TFDP2: variants seen among roughly 807,000 people sequenced by gnomAD.
The protein encoded by TFDP2 is transcription factor Dp-2 (E2F dimerization partner 2).
In TFDP2, 17 loss-of-function variants were observed where a neutral mutation model predicts 59.3. That is an observed-to-expected ratio of 0.29 (90% CI 0.20 to 0.43). The LOEUF is 0.43. Among genes scored for constraint, TFDP2 ranks in the 20% least tolerant of loss-of-function variants. TFDP2 has a pLI of 1.00. For synonymous variants in TFDP2, 180 were observed against 194.7 expected, an observed-to-expected ratio of 0.92 and a Z score of 0.63; for missense variants, 391 against 528.8, an observed-to-expected ratio of 0.74 and a Z score of 2.56.
chr3:142,130,823 G>T (rs1448668738), intron 1 of TFDP2, among the ~76,000 whole-genome samples: 1 of 151,882 alleles, frequency 6.6e-6, no homozygotes, highest in African/African-American at 2.4e-5. Flanking sequence ...AGGCCGAAGG[G>T]GATGGCTCAC....
At chr3:142,149,084 G>T (rs1004616726) in intron 1 of TFDP2, 99 bp downstream of exon 1, 13 of 395,732 alleles carry the variant, frequency 3.3e-5, no homozygotes, top group African/African-American at 8.3e-5. Context: ...GGGAACAAGG[G>T]GGCCCCTGTG....
intron 9 of TFDP2, among the ~76,000 whole-genome samples, 192 bp from the exon 10 acceptor site, chr3:141,964,155 T>A (rs1937609265): frequency 6.6e-6 from 1 of 152,048 alleles, no homozygotes; most frequent in South Asian, 2.1e-4. Flanking sequence ...CATTTTTCCA[T>A]CATCCATAGA....
chr3:142,135,123 C>G (rs995621969), intron 1 of TFDP2, among the ~76,000 whole-genome samples: 2 of 152,038 alleles, frequency 1.3e-5, no homozygotes, highest in Non-Finnish European at 2.9e-5. Flanking sequence ...GATATGGGGT[C>G]TTACTACATC....
chr3:142,147,947 G>C (rs2063230485), intron 1 of TFDP2, among the ~76,000 whole-genome samples: 1 of 152,052 alleles, frequency 6.6e-6, no homozygotes, highest in African/African-American at 2.4e-5. Flanking sequence ...AAAGGAAGCT[G>C]CAATATAGAT....
At chr3:141,959,480 G>T (rs1010874086) in intron 11 of TFDP2, among the ~76,000 whole-genome samples, 194 bp downstream of exon 11, 2 of 152,160 alleles carry the variant, frequency 1.3e-5, no homozygotes, top group Non-Finnish European at 2.9e-5. Flanking sequence ...GTGTATAGAT[G>T]TAAGTTCATA....
At chr3:142,126,945 C>CA (rs780512383) in intron 1 of TFDP2, among the ~76,000 whole-genome samples, 1,970 of 54,924 alleles carry the variant, frequency 0.036, 53 homozygotes, top group African/African-American at 0.11. Flanking sequence ...GACCTTGTCT[C>CA]AAAAAAAAAA....
chr3:142,094,203 T>C (rs1161411818), intron 2 of TFDP2, among the ~76,000 whole-genome samples: 1 of 152,188 alleles, frequency 6.6e-6, no homozygotes, highest in Non-Finnish European at 1.5e-5. Flanking sequence ...ATCAAATACT[T>C]TTTGTAAGCA....
intron 2 of TFDP2, 131 bp downstream of exon 2, chr3:142,101,604 C>T (rs1014179933): frequency 1.1e-5 from 6 of 568,298 alleles, no homozygotes; most frequent in Non-Finnish European, 1.7e-5. Context: ...TCTGCATAAA[C>T]ATAAACAAAT....
chr3:142,025,736 T>C (rs1030780509), intron 3 of TFDP2, among the ~76,000 whole-genome samples: 3 of 152,254 alleles, frequency 2.0e-5, no homozygotes, highest in Non-Finnish European at 2.9e-5. Flanking sequence ...CATGTTGCTA[T>C]TCCTTAAGAT....
At chr3:142,084,467 A>G (rs1445790634) in intron 3 of TFDP2, among the ~76,000 whole-genome samples, 1 of 152,194 alleles carries the variant, frequency 6.6e-6, no homozygotes, top group Non-Finnish European at 1.5e-5. Flanking sequence ...CAATCCCACT[A>G]CTAGGTATAC....
chr3:142,021,950 T>C (rs190317429), intron 3 of TFDP2, among the ~76,000 whole-genome samples: 7 of 152,376 alleles, frequency 4.6e-5, no homozygotes, highest in Admixed American at 3.9e-4. Context: ...TCTTTATCTT[T>C]AGTTAAAATA....
chr3:141,986,649 T>C (rs1367259403), intron 6 of TFDP2, among the ~76,000 whole-genome samples: 1 of 152,212 alleles, frequency 6.6e-6, no homozygotes, highest in African/African-American at 2.4e-5. Context: ...TGTGCACAAA[T>C]TTCTGTTGAG....
chr3:141,995,281 T>A, intron 4 of TFDP2, 140 bp from the exon 5 acceptor site: 1 of 552,150 alleles, frequency 1.8e-6, no homozygotes, highest in Non-Finnish European at 2.9e-6. Flanking sequence ...TCTAAAAATA[T>A]AAGCAATGCC....
intron 1 of TFDP2, among the ~76,000 whole-genome samples, chr3:142,118,194 T>C (rs2061909867): frequency 6.6e-6 from 1 of 152,156 alleles, no homozygotes; most frequent in South Asian, 2.1e-4. Context: ...CTCCCCCTTT[T>C]CTTACCATCA....
intron 9 of TFDP2, among the ~76,000 whole-genome samples, chr3:141,965,112 G>C (rs1438260982): frequency 6.6e-6 from 1 of 151,972 alleles, no homozygotes; most frequent in African/African-American, 2.4e-5. Context: ...GTAAATGTAC[G>C]ATAGAATTTC....
intron 3 of TFDP2, among the ~76,000 whole-genome samples, chr3:142,044,698 A>G (rs9289641): frequency 0.86 from 131,217 of 152,150 alleles, 56,944 homozygotes; most frequent in African/African-American, 0.97. Context: ...AAATTCCAAC[A>G]CAGAAGAGTA....
At position 142,068,251 on chromosome 3, in the gene TFDP2, AT is replaced by A. The variant is rs376063616; in HGVS notation, c.82+24809del. Among the ~76,000 whole-genome samples the A allele has an allele frequency of 9.1e-4, 138 of 152,276 alleles. 1 individual carries two copies. The highest frequency in any genetic ancestry group is 3.1e-3 in the African/African-American group (129 of 41,548). On this transcript the variant is annotated intron_variant, in intron 3 of 12. Coordinates refer to ENST00000489671, the MANE Select transcript of TFDP2 (RefSeq NM_001178139.2). ...TGTAAAGAAATGAATCTAGACACAGATTCTTTATACCTGTCATAAAAATCCA... is the reference window on the plus strand; with the variant it reads ...TGTAAAGAAATGAATCTAGACACAGATCTTTATACCTGTCATAAAAATCCA...
chr3:142,040,066 C>T (rs2108443766), intron 3 of TFDP2, among the ~76,000 whole-genome samples: 1 of 152,114 alleles, frequency 6.6e-6, no homozygotes, highest in African/African-American at 2.4e-5. Context: ...TTCTTGTATA[C>T]ATGATGTTTG....
At chr3:142,088,005 T>A (rs1189266020) in intron 3 of TFDP2, among the ~76,000 whole-genome samples, 1 of 152,236 alleles carries the variant, frequency 6.6e-6, no homozygotes, top group African/African-American at 2.4e-5. Context: ...TACCCTGATA[T>A]ACAGATTTTT....
Sources: gnomAD v4.1 joint callset for allele counts (sites outside exome capture counted in the v4.1 genomes callset) on GRCh38, gnomAD v4.1.1 for gene constraint, MANE v1.5 for transcripts, NCBI Gene and HGNC (gene_info 2026-07-23, HGNC 2026-07-21) for gene names.